Variants in PRMT9 observed in about 807,000 individuals in gnomAD.
PRMT9 encodes protein arginine methyltransferase 9.
Under a neutral mutation model 83.2 loss-of-function variants are expected in PRMT9, and 59 were observed. That is an observed-to-expected ratio of 0.71 (90% CI 0.57 to 0.88). The LOEUF (loss-of-function observed/expected upper bound fraction) is 0.88. Ranked by LOEUF, PRMT9 falls within the 40% of genes least tolerant of loss-of-function variation. PRMT9 has a pLI of 0.00. For synonymous variants in PRMT9, 333 were observed against 353.2 expected (o/e 0.94, Z 0.64); for missense variants, 947 against 1,021.9 (o/e 0.93, Z 1.00).
chr4:147,671,841 T>C (rs1271074173), intron 4 of PRMT9: 2 of 456,124 alleles, frequency 4.4e-6, no homozygotes, highest in African/African-American at 2.0e-5. Flanking sequence ...TGCTGACTCA[T>C]GTCCCTCTCA....
At chr4:147,676,875 CTCT>C (rs1256065550) in intron 2 of PRMT9, among the ~76,000 whole-genome samples, 2 of 151,958 alleles carry the variant, frequency 1.3e-5, no homozygotes, top group Non-Finnish European at 2.9e-5. Flanking sequence ...GAAACCCCAT[CTCT>C]ACTAAAAATA....
At chr4:147,678,972 G>A (rs1736278542) in intron 2 of PRMT9, among the ~76,000 whole-genome samples, 1 of 152,178 alleles carries the variant, frequency 6.6e-6, no homozygotes, top group Non-Finnish European at 1.5e-5. Context: ...TGAGGCCTGT[G>A]AGCCCTTCCA....
At chr4:147,674,879 A>C (rs943666166) in intron 2 of PRMT9, among the ~76,000 whole-genome samples, 1 of 152,258 alleles carries the variant, frequency 6.6e-6, no homozygotes, top group Non-Finnish European at 1.5e-5. Flanking sequence ...GGTGAGCAGC[A>C]ATGTGTGGAC....
intron 9 of PRMT9, among the ~76,000 whole-genome samples, chr4:147,643,295 A>C (rs138660469): frequency 9.9e-5 from 15 of 152,080 alleles, no homozygotes; most frequent in African/African-American, 3.1e-4. Context: ...ACAAAAAAAA[A>C]CCCTTTGTAA....
rs1351810242 is a variant in PRMT9, at chr4:147,654,547, T to C, written c.1350A>G (p.Gly450=). ...AAGATACTTCCATCATCACATGGTC[T>C]CCAGGCTTTATCCAGTAGTCTTCAT... ...QDLADYWIKP[G]DHVMMEVSCQ... Residue 450 remains glycine (G), a synonymous_variant, in exon 9 of 12, where the codon GGA becomes GGG. Transcript: ENST00000322396. 1 of 1,612,480 alleles carries C rather than the reference T, an allele frequency of 6.2e-7. No individual in the cohort carries two copies. The highest frequency in any genetic ancestry group is 1.1e-5 in the South Asian group (1 of 91,052).
intron 1 of PRMT9, among the ~76,000 whole-genome samples, chr4:147,683,448 AG>A (rs1330282432): frequency 6.6e-6 from 1 of 152,210 alleles, no homozygotes; most frequent in Non-Finnish European, 1.5e-5. Flanking sequence ...AGGGTAGTAA[AG>A]GGGAAGATGG....
At chr4:147,648,808 C>T (rs767537990) in intron 9 of PRMT9, among the ~76,000 whole-genome samples, 10 of 152,048 alleles carry the variant, frequency 6.6e-5, no homozygotes, top group Non-Finnish European at 1.5e-4. Context: ...TGCAACTCAA[C>T]TTATGTATGT....
intron 9 of PRMT9, among the ~76,000 whole-genome samples, chr4:147,648,317 A>G (rs973190984): frequency 7.9e-5 from 12 of 152,306 alleles, no homozygotes; most frequent in Admixed American, 2.6e-4. Flanking sequence ...CTAATAGCCA[A>G]TGATGTAATC....
intron 2 of PRMT9, among the ~76,000 whole-genome samples, chr4:147,677,468 T>A (rs1736163978): frequency 6.9e-6 from 1 of 145,226 alleles, no homozygotes; most frequent in African/African-American, 2.6e-5. Flanking sequence ...TTTTTTTTTT[T>A]TTTGAGATGG....
rs566454928 is a variant in PRMT9 at position 147,673,236 on chromosome 4, A to G, written c.576-110T>C. 5.5e-5 allele frequency: 49 copies of G among 885,916 alleles called. 1 individual carries two copies. In the South Asian group the frequency reaches 6.9e-4, roughly 12 times the overall value. The allele number at this position is 885,916 out of a possible 1,614,324, so 54.9% of individuals were successfully genotyped here. A position where few individuals can be genotyped will look rare whatever the true frequency, so the allele number is the denominator to read the frequency against. On this transcript the variant is annotated intron_variant, in intron 3 of 11. Transcript: ENST00000322396. The stretch of plus-strand genomic sequence containing the variant: ...GGGGTTTTTCCTTTTATTCTTTAAC[A>G]CAACCATTACTCACTCTGCATTAAA...
chr4:147,666,262 T>C (rs955063477), intron 6 of PRMT9, among the ~76,000 whole-genome samples: 3 of 152,208 alleles, frequency 2.0e-5, no homozygotes, highest in Non-Finnish European at 2.9e-5. Context: ...CTTCACCAGA[T>C]AGATTTTTTT....
chr4:147,680,495 T>C, intron 1 of PRMT9, 24 bp from the exon 2 acceptor site: 2 of 1,543,432 alleles, frequency 1.3e-6, no homozygotes, highest in Non-Finnish European at 8.9e-7. Flanking sequence ...AAAAAAATTA[T>C]GAATTAGTCA....
intron 9 of PRMT9, among the ~76,000 whole-genome samples, chr4:147,648,764 T>C (rs1431006798): frequency 7.2e-5 from 11 of 152,156 alleles, no homozygotes; most frequent in Non-Finnish European, 1.5e-4. Context: ...CTGTTATGTA[T>C]GCTTGCAATT....
chr4:147,646,701 A>C (rs920009545), intron 9 of PRMT9, among the ~76,000 whole-genome samples: 5 of 152,020 alleles, frequency 3.3e-5, no homozygotes, highest in East Asian at 1.9e-4. Context: ...TTCCCACCCC[A>C]AAAAAATTCT....
rs572225454 is a variant in PRMT9, at chr4:147,683,544, A to G, written c.189+255T>C. 2.6e-5 allele frequency among the ~76,000 whole-genome samples: 4 copies of G among 152,236 alleles called. No individual in the cohort carries two copies. The South Asian group carries it at 8.3e-4, about 32-fold the overall frequency. ...GGCTGGTCGTAGGTGTGAATAAACG[A>G]AAGATGTCAAGGTTGAACAGTAAAC... On this transcript the variant is annotated intron_variant, in intron 1 of 11. Coordinates refer to ENST00000322396, the MANE Select transcript of PRMT9 (RefSeq NM_138364.4).
intron 2 of PRMT9, among the ~76,000 whole-genome samples, chr4:147,677,445 A>ATTTT (rs11321232): frequency 5.7e-5 from 4 of 70,776 alleles, no homozygotes; most frequent in East Asian, 4.2e-4. Flanking sequence ...GACAGGTAGA[A>ATTTT]TTTTTTTTTT....
At chr4:147,672,655 A>T (rs1735808765) in intron 4 of PRMT9, among the ~76,000 whole-genome samples, 1 of 152,214 alleles carries the variant, frequency 6.6e-6, no homozygotes, top group African/African-American at 2.4e-5. Context: ...GCAGTTATTG[A>T]CCACACAGGA....
intron 9 of PRMT9, among the ~76,000 whole-genome samples, chr4:147,649,666 C>G (rs1733965761): frequency 6.6e-6 from 1 of 152,144 alleles, no homozygotes; most frequent in African/African-American, 2.4e-5. Context: ...CCACGCTTGG[C>G]TACGTTTTTT....
chr4:147,683,713 C>T (rs1010808774), intron 1 of PRMT9, 86 bp downstream of exon 1: 1 of 1,350,818 alleles, frequency 7.4e-7, no homozygotes, highest in Non-Finnish European at 1.0e-6. Context: ...GCACCCTAGC[C>T]CCTCCGCTTT....
Sources: allele counts gnomAD v4.1 joint callset (sites outside exome capture counted in the v4.1 genomes callset), GRCh38; gene constraint gnomAD v4.1.1; transcripts MANE v1.5; gene names NCBI Gene and HGNC (gene_info 2026-07-23, HGNC 2026-07-21).